Variants in SMYD3 observed in about 807,000 individuals in gnomAD.
SMYD3 encodes SET and MYND domain containing 3, also known as histone-lysine N-methyltransferase SMYD3.
In SMYD3, 36 loss-of-function variants were observed where a neutral mutation model predicts 57.7. The observed-to-expected ratio is 0.62, with a 90% CI of 0.48 to 0.82. The LOEUF (loss-of-function observed/expected upper bound fraction) is 0.82, where lower values mean the gene tolerates loss of function less well. Among genes scored for constraint, SMYD3 ranks in the 40% least tolerant of loss-of-function variants. The pLI, the probability that SMYD3 is intolerant of heterozygous loss-of-function variation, is 0.00. For synonymous variants in SMYD3, 211 were observed against 195.0 expected, an observed-to-expected ratio of 1.08 and a Z score of -0.68; for missense variants, 515 against 538.8, an observed-to-expected ratio of 0.96 and a Z score of 0.44.
At chr1:245,994,512 T>C (rs544034646) in intron 5 of SMYD3, among the ~76,000 whole-genome samples, 4 of 152,270 alleles carry the variant, frequency 2.6e-5, no homozygotes, top group Admixed American at 2.6e-4. Flanking sequence ...CCTCACCCTC[T>C]GAAATAAGCA....
intron 11 of SMYD3, among the ~76,000 whole-genome samples, chr1:245,760,728 A>G (rs2045811220): frequency 3.3e-5 from 5 of 152,118 alleles, no homozygotes; most frequent in Admixed American, 3.3e-4. Flanking sequence ...CACCTTGGGG[A>G]GCAAAACACT....
chr1:246,445,660 AAGAC>A (rs2103024283), intron 1 of SMYD3, among the ~76,000 whole-genome samples: 1 of 152,324 alleles, frequency 6.6e-6, no homozygotes, highest in South Asian at 2.1e-4. Context: ...TACAGCTGTT[AAGAC>A]AGTCTTTTGC....
intron 5 of SMYD3, among the ~76,000 whole-genome samples, chr1:246,241,451 C>T (rs2063608031): frequency 6.6e-6 from 1 of 152,162 alleles, no homozygotes; most frequent in African/African-American, 2.4e-5. Context: ...CCAACTTGAT[C>T]GTAGTGGATA....
intron 5 of SMYD3, among the ~76,000 whole-genome samples, chr1:246,051,652 CAAA>C (rs199982021): frequency 7.6e-6 from 1 of 131,700 alleles, no homozygotes; most frequent in African/African-American, 2.8e-5. Context: ...TTCTGCAGTA[CAAA>C]AAAAAAAAAG....
At chr1:246,466,210 T>C (rs2067878320) in intron 1 of SMYD3, among the ~76,000 whole-genome samples, 1 of 152,212 alleles carries the variant, frequency 6.6e-6, no homozygotes, top group Non-Finnish European at 1.5e-5. Flanking sequence ...AGAATATAAA[T>C]CATTCTAACC....
At chr1:245,779,123 G>A (rs528113264) in intron 10 of SMYD3, among the ~76,000 whole-genome samples, 6 of 150,500 alleles carry the variant, frequency 4.0e-5, no homozygotes, top group African/African-American at 1.2e-4. Context: ...TTGGGCCACT[G>A]CACTCCAGCT....
intron 5 of SMYD3, among the ~76,000 whole-genome samples, chr1:246,186,415 A>G (rs927612736): frequency 6.6e-6 from 1 of 152,210 alleles, no homozygotes; most frequent in Non-Finnish European, 1.5e-5. Flanking sequence ...ATTCTAGTAC[A>G]GCTCAAAGAC....
At chr1:246,108,828 A>G (rs2061177096) in intron 5 of SMYD3, 1 of 152,262 alleles carries the variant, frequency 6.6e-6, no homozygotes, top group Admixed American at 6.5e-5. Flanking sequence ...CAGTATTAGC[A>G]GACCACCATC....
intron 5 of SMYD3, among the ~76,000 whole-genome samples, chr1:246,056,895 C>T (rs968099352): frequency 2.0e-5 from 3 of 152,182 alleles, no homozygotes; most frequent in Non-Finnish European, 2.9e-5. Flanking sequence ...ATTGGGCACA[C>T]AGATTAAGAA....
intron 5 of SMYD3, chr1:245,930,369 C>T: frequency 2.9e-6 from 1 of 343,230 alleles, no homozygotes; most frequent in East Asian, 7.7e-5. Context: ...TCAGTGATAG[C>T]AACTTGTCTC....
intron 5 of SMYD3, among the ~76,000 whole-genome samples, chr1:245,995,456 T>A (rs369696175): frequency 6.6e-6 from 1 of 152,366 alleles, no homozygotes; most frequent in East Asian, 1.9e-4. Flanking sequence ...AAACAGGTAA[T>A]TTATGCCAAC....
At chr1:245,873,606 CTTCT>C (rs2052336664) in intron 8 of SMYD3, among the ~76,000 whole-genome samples, 1 of 152,202 alleles carries the variant, frequency 6.6e-6, no homozygotes. Flanking sequence ...TTTGTATTTT[CTTCT>C]TTGAGGACAG....
At chr1:246,490,414 T>G (rs929212442) in intron 1 of SMYD3, among the ~76,000 whole-genome samples, 4 of 152,236 alleles carry the variant, frequency 2.6e-5, no homozygotes, top group Non-Finnish European at 5.9e-5. Context: ...AGACATTTAT[T>G]GAACATCCTT....
intron 1 of SMYD3, among the ~76,000 whole-genome samples, chr1:246,378,905 A>G (rs1379028050): frequency 7.6e-6 from 1 of 132,032 alleles, no homozygotes; most frequent in Non-Finnish European, 1.6e-5. Context: ...CCCTGTTTAT[A>G]GCTCATTTAT....
chr1:245,837,360 C>G (rs184274767), intron 10 of SMYD3, among the ~76,000 whole-genome samples: 1 of 152,042 alleles, frequency 6.6e-6, no homozygotes, highest in Non-Finnish European at 1.5e-5. Context: ...CTGTTTGCTT[C>G]TTGGATTCTG....
chr1:245,940,989 G>A (rs2057220401), intron 5 of SMYD3, among the ~76,000 whole-genome samples: 1 of 152,164 alleles, frequency 6.6e-6, no homozygotes, highest in Admixed American at 6.5e-5. Context: ...TGATGGAGCT[G>A]AAAAACACAA....
chr1:246,177,630 G>A (rs2062456441), intron 5 of SMYD3, among the ~76,000 whole-genome samples: 1 of 152,184 alleles, frequency 6.6e-6, no homozygotes, highest in Non-Finnish European at 1.5e-5. Flanking sequence ...ACTGTTGAAA[G>A]GTGGGGTCTA....
At chr1:246,293,666 C>T (rs1490553876) in intron 5 of SMYD3, among the ~76,000 whole-genome samples, 1 of 152,024 alleles carries the variant, frequency 6.6e-6, no homozygotes, top group Non-Finnish European at 1.5e-5. Context: ...TTTGCTCTCA[C>T]CTTCTCAGAA....
intron 5 of SMYD3, among the ~76,000 whole-genome samples, chr1:246,026,261 A>G (rs531626871): frequency 6.6e-6 from 1 of 152,160 alleles, no homozygotes; most frequent in African/African-American, 2.4e-5. Context: ...GAGAGCATAA[A>G]GAAGTCTTAG....
Sources: gnomAD v4.1 joint callset for allele counts (sites outside exome capture counted in the v4.1 genomes callset) on GRCh38, gnomAD v4.1.1 for gene constraint, MANE v1.5 for transcripts, NCBI Gene and HGNC (gene_info 2026-07-23, HGNC 2026-07-21) for gene names.